The following MIPEP variants were observed in gnomAD, a reference collection of about 807,000 sequenced individuals.
MIPEP encodes the protein mitochondrial intermediate peptidase.
A neutral mutation model predicts 90.3 loss-of-function variants in MIPEP; 79 were observed. That is an observed-to-expected ratio of 0.87 (90% confidence interval 0.73 to 1.05). MIPEP has a LOEUF of 1.05. Ranked by LOEUF, MIPEP falls within the 50% of genes least tolerant of loss-of-function variation. The pLI is 0.00. For synonymous variants in MIPEP, 334 were observed against 315.8 expected (o/e 1.06, Z -0.61); for missense variants, 940 against 905.6 (o/e 1.04, Z -0.49).
At chr13:23,737,497 CTA>C (rs1952278490) in intron 18 of MIPEP, among the ~76,000 whole-genome samples, 1 of 152,126 alleles carries the variant, frequency 6.6e-6, no homozygotes, top group Non-Finnish European at 1.5e-5. Flanking sequence ...GGGCTCCTAA[CTA>C]TGCATATTTC....
At chr13:23,816,835 G>T (rs926392858) in intron 14 of MIPEP, among the ~76,000 whole-genome samples, 3 of 152,146 alleles carry the variant, frequency 2.0e-5, no homozygotes, top group Non-Finnish European at 4.4e-5. Flanking sequence ...GCCTACAAGT[G>T]AATGCAAACT....
At chr13:23,852,789 G>A (rs1869853573) in intron 10 of MIPEP, among the ~76,000 whole-genome samples, 1 of 152,236 alleles carries the variant, frequency 6.6e-6, no homozygotes, top group Non-Finnish European at 1.5e-5. Context: ...AGAAGGCATT[G>A]TTATCACAGG....
At chr13:23,756,133 A>C (rs1952488649) in intron 18 of MIPEP, among the ~76,000 whole-genome samples, 1 of 152,190 alleles carries the variant, frequency 6.6e-6, no homozygotes, top group Non-Finnish European at 1.5e-5. Context: ...TGCACAGCTA[A>C]GACATTTCTT....
At chr13:23,858,990 G>T in intron 9 of MIPEP, 78 bp from the exon 10 acceptor site, 1 of 1,157,750 alleles carries the variant, frequency 8.6e-7, no homozygotes, top group Non-Finnish European at 1.3e-6. Context: ...CCAGCCTATA[G>T]AATGTAAACC....
intron 14 of MIPEP, among the ~76,000 whole-genome samples, chr13:23,811,614 A>G (rs988966682): frequency 2.0e-5 from 3 of 152,228 alleles, no homozygotes; most frequent in Non-Finnish European, 4.4e-5. Flanking sequence ...AGAGTCACAT[A>G]GCCAGAGGCT....
At chr13:23,764,318 G>A (rs1952573846) in intron 16 of MIPEP, among the ~76,000 whole-genome samples, 1 of 152,162 alleles carries the variant, frequency 6.6e-6, no homozygotes, top group South Asian at 2.1e-4. Context: ...GAAACCCATG[G>A]ATATGGTCAC....
At chr13:23,829,543 GATT>G (rs1231776788) in intron 14 of MIPEP, among the ~76,000 whole-genome samples, 1 of 152,126 alleles carries the variant, frequency 6.6e-6, no homozygotes, top group Non-Finnish European at 1.5e-5. Context: ...GCCTAAAAAG[GATT>G]ATTATTTCAA....
At chr13:23,851,981 T>C (rs566082561) in intron 10 of MIPEP, among the ~76,000 whole-genome samples, 2 of 152,280 alleles carry the variant, frequency 1.3e-5, no homozygotes, top group South Asian at 2.1e-4. Context: ...ACAGGAATGA[T>C]AGGAAGAGAG....
At chr13:23,869,927 C>T in intron 6 of MIPEP, 86 bp downstream of exon 6, 1 of 1,119,754 alleles carries the variant, frequency 8.9e-7, no homozygotes. Context: ...TTTAAGGATA[C>T]TATTATATTA....
At chr13:23,871,720 T>C (rs1267179098) in intron 5 of MIPEP, among the ~76,000 whole-genome samples, 1 of 152,204 alleles carries the variant, frequency 6.6e-6, no homozygotes, top group African/African-American at 2.4e-5. Flanking sequence ...AGAATTTCAA[T>C]ATAGAAAATT....
chr13:23,869,911 A>G (rs1282181678), intron 6 of MIPEP, 102 bp downstream of exon 6: 4 of 921,908 alleles, frequency 4.3e-6, no homozygotes, highest in Non-Finnish European at 6.1e-6. Context: ...GTAATGCTAA[A>G]AAGTTTTTAA....
intron 16 of MIPEP, among the ~76,000 whole-genome samples, chr13:23,795,390 A>C (rs1414621987): frequency 6.6e-6 from 1 of 152,182 alleles, no homozygotes; most frequent in East Asian, 1.9e-4. Flanking sequence ...CAACATCTGA[A>C]CAAGTGTGGG....
At position 23,880,107 on chromosome 13, in the gene MIPEP, C is replaced by T. The variant is rs577315117; in HGVS notation, c.453-753G>A. On this transcript the variant is annotated intron_variant, in intron 3 of 18. Coordinates refer to ENST00000382172, the MANE Select transcript of MIPEP (RefSeq NM_005932.4). ...AAGGTTGTAAGAACCACTCACCAGT[C>T]GCTACTCAGAGACTCAAGGATACTC... Among the ~76,000 whole-genome samples, 33 of 152,206 alleles carry T rather than the reference C, an allele frequency of 2.2e-4. No homozygotes were observed. In the South Asian group the frequency reaches 3.9e-3, roughly 18 times the overall value.
intron 6 of MIPEP, 93 bp downstream of exon 6, chr13:23,869,920 A>T: frequency 9.7e-7 from 1 of 1,033,458 alleles, no homozygotes; most frequent in Non-Finnish European, 1.3e-6. Flanking sequence ...AAAAGTTTTT[A>T]AGGATACTAT....
At chr13:23,802,669 T>A (rs572968458) in intron 16 of MIPEP, among the ~76,000 whole-genome samples, 20 of 149,506 alleles carry the variant, frequency 1.3e-4, no homozygotes, top group Admixed American at 5.3e-4. Context: ...TTCCATTGTA[T>A]CTAGAAGATC....
intron 14 of MIPEP, among the ~76,000 whole-genome samples, chr13:23,813,258 T>C (rs1342917320): frequency 2.6e-5 from 4 of 152,326 alleles, no homozygotes; most frequent in East Asian, 3.9e-4. Context: ...TCTGTAAATA[T>C]TGCTTTGCCA....
chr13:23,767,261 T>TA (rs1407633234), intron 16 of MIPEP, among the ~76,000 whole-genome samples: 1 of 152,218 alleles, frequency 6.6e-6, no homozygotes, highest in Non-Finnish European at 1.5e-5. Flanking sequence ...AACTGTGAGA[T>TA]AGGCACTGTT....
chr13:23,803,132 A>G (rs114392810), intron 16 of MIPEP, among the ~76,000 whole-genome samples: 3,876 of 152,166 alleles, frequency 0.025, 157 homozygotes, highest in African/African-American at 0.084. Flanking sequence ...GGAGGCCAAG[A>G]CAGGTGGATT....
chr13:23,853,481 A>G (rs777529878), intron 10 of MIPEP, among the ~76,000 whole-genome samples: 68 of 152,182 alleles, frequency 4.5e-4, no homozygotes, highest in Non-Finnish European at 8.2e-4. Flanking sequence ...ACCAGAGAGC[A>G]TAGGCGTGTG....
Sources: gnomAD v4.1 joint callset for allele counts (sites outside exome capture counted in the v4.1 genomes callset) on GRCh38, gnomAD v4.1.1 for gene constraint, MANE v1.5 for transcripts, NCBI Gene and HGNC (gene_info 2026-07-23, HGNC 2026-07-21) for gene names.